ZNF512B: variants seen among roughly 807,000 people sequenced by gnomAD.
The protein encoded by ZNF512B is zinc finger protein 512B.
Under a neutral mutation model 87.8 loss-of-function variants are expected in ZNF512B, and 22 were observed. The ratio of observed to expected loss-of-function variants is 0.25; its 90% CI spans 0.18 to 0.36. ZNF512B has a LOEUF of 0.36. ZNF512B is among the 10% of genes least tolerant of loss of function. The probability of loss-of-function intolerance (pLI) is 1.00; values close to 1 mark genes in which losing one functional copy is unlikely to be tolerated. For missense variants in ZNF512B, 1,060 were observed against 1,231.6 expected (o/e 0.86, Z 2.09); for synonymous variants, 524 against 490.9 (o/e 1.07, Z -0.89).
chr20:63,963,953 G>C (rs766180744), intron 8 of ZNF512B, 40 bp from the exon 9 acceptor site: 2 of 1,603,316 alleles, frequency 1.2e-6, no homozygotes, highest in East Asian at 4.5e-5. Context: ...TGTGGGGGCT[G>C]CTGGGTGGCC....
chr20:63,963,427 T>TCG lies in ZNF512B; in HGVS notation c.1710_1711dup (p.Glu571AlafsTer19). ...CTCCTGCTCGCCCCCTTCGGAGGCC[T>TCG]CGGCGTCAGAGGGCTGGGGACAGGG... On this transcript the variant is annotated frameshift_variant, in exon 11 of 17. Transcript: ENST00000369888. LOFTEE classifies it high-confidence loss of function. 1 of 1,548,482 alleles carries TCG rather than the reference T, an allele frequency of 6.5e-7. No individual in the cohort carries two copies. The highest frequency in any genetic ancestry group is 8.7e-7 in the Non-Finnish European group (1 of 1,151,668).
intron 8 of ZNF512B, 27 bp downstream of exon 8, chr20:63,964,044 C>G (rs780286786): frequency 7.5e-6 from 12 of 1,600,910 alleles, no homozygotes; most frequent in Non-Finnish European, 1.0e-5. Context: ...CTAGAGCTGC[C>G]CTGAGCCCCT....
At position 63,962,288 on chromosome 20, in the gene ZNF512B, G is replaced by A. The variant is rs376023242; in HGVS notation, c.2250C>T (p.Val750=). 1 of 1,611,824 alleles carries A rather than the reference G, an allele frequency of 6.2e-7. No homozygotes were observed. The highest frequency in any genetic ancestry group is 1.3e-5 in the African/African-American group (1 of 74,926). ...WKNEVKEKGH[V]NCPNDCCEAI... is the part of the protein sequence containing the mutation. Reference sequence around the variant, plus strand: ...CTCCGCTCACGTCGTTGGGACAGTTGACGTGGCCTTTCTCCTTCACTTCAT... The same window carrying A: ...CTCCGCTCACGTCGTTGGGACAGTTAACGTGGCCTTTCTCCTTCACTTCAT... Residue 750 remains valine (V), a synonymous_variant, in exon 14 of 17, where the codon GTC becomes GTT. Coordinates refer to ENST00000369888, the MANE Select transcript of ZNF512B (RefSeq NM_020713.3).
In ZNF512B at chr20:63,959,971, C is replaced by T. The variant is rs371876595; in HGVS notation, c.2596G>A (p.Asp866Asn). ...PVAKLPPRRDDWPPGCRDKGA... is the reference protein window; with the variant it reads ...PVAKLPPRRDNWPPGCRDKGA... ...TTGTCTCTGCATCCTGGAGGCCAGT[C>T]GTCCCGGCGCGGGGGCAGCTTGGCC... The change falls in exon 17 of 17, where the codon GAC (aspartate) becomes AAC (asparagine). Residue 866 changes from aspartate to asparagine, a missense_variant. By Grantham distance (23) the Asp-to-Asn change is conservative. Coordinates refer to ENST00000369888, the MANE Select transcript of ZNF512B (RefSeq NM_020713.3). 1.7e-5 allele frequency: 27 copies of T among 1,612,062 alleles called. No homozygotes were observed. The highest frequency in any genetic ancestry group is 6.7e-5 in the East Asian group (3 of 44,900).
intron 1 of ZNF512B, chr20:63,969,166 C>T (rs1297924993): frequency 1.0e-5 from 10 of 985,502 alleles, no homozygotes; most frequent in Non-Finnish European, 1.1e-5. Context: ...CGGCATGAGT[C>T]ATCCCAGCAC....
chr20:63,959,786 G>C lies in ZNF512B; in HGVS notation c.*102C>G. ...CCACTGGACGGATGAAGAGGCGGGG[G>C]TGGGGGATGGAGAACTGGAGGACAG... On this transcript the variant is annotated 3_prime_UTR_variant, in exon 17 of 17. Transcript: ENST00000369888. 7.0e-7 allele frequency: 1 copy of C among 1,436,596 alleles called. No homozygotes were observed. 89.0% of individuals were successfully genotyped at this position (1,436,596 alleles called of 1,614,324 possible). A position where few individuals can be genotyped will look rare whatever the true frequency, so the allele number is the denominator to read the frequency against.
Position 63,962,315 on chromosome 20 carries a change from C to T in ZNF512B, c.2223G>A (p.Lys741=). 1 of 1,612,928 alleles carries T rather than the reference C, an allele frequency of 6.2e-7. No homozygotes were observed. The highest frequency in any genetic ancestry group is 8.5e-7 in the Non-Finnish European group (1 of 1,179,952). The change falls in exon 14 of 17, where the codon AAG becomes AAA. Residue 741 remains lysine, a synonymous_variant. Coordinates refer to ENST00000369888, the MANE Select transcript of ZNF512B (RefSeq NM_020713.3). ...TLNPQLLEAW[K]NEVKEKGHVN... is the part of the protein sequence containing the mutation. ...CGTGGCCTTTCTCCTTCACTTCATT[C>T]TTCCATGCCTCTAGCAGCTGGGGGT...
chr20:63,961,372 C>T lies in ZNF512B; in HGVS notation c.2364G>A (p.Leu788=), dbSNP rs1483465561. 6.2e-7 allele frequency: 1 copy of T among 1,612,706 alleles called. No individual in the cohort carries two copies. Among genetic ancestry groups the T allele is most frequent in the Non-Finnish European group, 8.5e-7 (1 of 1,179,972 alleles). The change falls in exon 16 of 17, where the codon CTG becomes CTA. Residue 788 remains leucine, a synonymous_variant. Transcript: ENST00000369888. The surrounding 1 kb of genome is among the most constrained non-coding windows in gnomAD (Gnocchi z 6.4). ...TCTCAGAACTGAACTCCTTCGGACA[C>T]AGCAGACAGCGGTACTTCCCTGCCA... ...AHLAGKYRCL[L]CPKEFSSESG... is the part of the protein sequence containing the mutation.
Position 63,964,671 on chromosome 20 carries a change from G to A in ZNF512B, c.1080C>T (p.Ala360=). The A allele has an allele frequency of 6.2e-7, 1 of 1,612,090 alleles. No individual in the cohort carries two copies. Residue 360 remains alanine (A), a synonymous_variant, in exon 6 of 17, where the codon GCC becomes GCT. Transcript: ENST00000369888. ...LDTCPIPPKQ[A]RPENGEYGPS... is the part of the protein sequence containing the mutation. ...GGCCGTACTCCCCATTCTCTGGCCTGGCCTGCTTGGGTGGAATTGGGCAGG... is the reference window on the plus strand; with the variant it reads ...GGCCGTACTCCCCATTCTCTGGCCTAGCCTGCTTGGGTGGAATTGGGCAGG...
chr20:63,963,121 G>A lies in ZNF512B; in HGVS notation c.1942C>T (p.His648Tyr). Residue 648 changes from histidine to tyrosine, a missense_variant, in exon 12 of 17, where the codon CAC (histidine) becomes TAC (tyrosine). By Grantham distance (83) the His-to-Tyr change is moderately conservative. Coordinates refer to ENST00000369888, the MANE Select transcript of ZNF512B (RefSeq NM_020713.3). ...TYRSKAGHDY[H>Y]VRSEHTAPPP... ...GGGGCCGTGTGCTCCGAGCGCACGTGGTAGTCGTGGCCAGCCTTGGATCGG... is the reference window on the plus strand; with the variant it reads ...GGGGCCGTGTGCTCCGAGCGCACGTAGTAGTCGTGGCCAGCCTTGGATCGG... 2 of 1,559,360 alleles carry A rather than the reference G, an allele frequency of 1.3e-6. No individual in the cohort carries two copies. Among genetic ancestry groups the A allele is most frequent in the Admixed American group, 1.8e-5 (1 of 54,262 alleles).
chr20:63,966,391 T>A lies in ZNF512B; in HGVS notation c.784A>T (p.Lys262Ter). The A allele has an allele frequency of 6.2e-7, 1 of 1,613,836 alleles. No homozygotes were observed. The highest frequency in any genetic ancestry group is 8.5e-7 in the Non-Finnish European group (1 of 1,179,894). The stretch of plus-strand genomic sequence containing the variant: ...ACGGGTTTGGTGACCGGCACAGACT[T>A]GGTGACTGTGATGGGTTTGGTGACC... ...MPVTKPITVT[K>*]SVPVTKPVPV... The change falls in exon 5 of 17, where the codon AAG becomes TAG. Residue 262 changes from lysine to a stop codon, truncating the protein, a stop_gained. Transcript: ENST00000369888. LOFTEE classifies it high-confidence loss of function.
In ZNF512B at chr20:63,959,557, C is replaced by T. The variant is rs944348294; in HGVS notation, c.*331G>A. ...CCGGCAGGGCCTGAGGAAGCGGAGCCGGGGGGCCAAAGGCCATCTGCCTAC... is the reference window on the plus strand; with the variant it reads ...CCGGCAGGGCCTGAGGAAGCGGAGCTGGGGGGCCAAAGGCCATCTGCCTAC... On this transcript the variant is annotated 3_prime_UTR_variant, in exon 17 of 17. Transcript: ENST00000369888. 2.4e-5 allele frequency: 8 copies of T among 336,752 alleles called. No individual in the cohort carries two copies. The highest frequency in any genetic ancestry group is 6.4e-5 in the African/African-American group (3 of 47,046). 20.9% of individuals were successfully genotyped at this position (336,752 alleles called of 1,614,324 possible). A position where few individuals can be genotyped will look rare whatever the true frequency, so the allele number is the denominator to read the frequency against.
At chr20:63,967,690 A>C in intron 2 of ZNF512B, 140 bp downstream of exon 2, 1 of 1,478,994 alleles carries the variant, frequency 6.8e-7, no homozygotes, top group Non-Finnish European at 9.0e-7. Context: ...GTCCAAGGCA[A>C]CCCCTACCCT....
In ZNF512B at chr20:63,963,032, G is replaced by A; in HGVS notation, c.1968+63C>T. On this transcript the variant is annotated intron_variant, in intron 12 of 16. Coordinates refer to ENST00000369888, the MANE Select transcript of ZNF512B (RefSeq NM_020713.3). ...TGGACAAATACAGTTGGCACCCAAGGCACACGGAACACACACGGCACACAG... is the reference window on the plus strand; with the variant it reads ...TGGACAAATACAGTTGGCACCCAAGACACACGGAACACACACGGCACACAG... 4.8e-6 allele frequency: 7 copies of A among 1,468,308 alleles called. 1 individual carries two copies. In the South Asian group the frequency reaches 9.4e-5, roughly 20 times the overall value. 91.0% of individuals were successfully genotyped at this position (1,468,308 alleles called of 1,614,324 possible).
chr20:63,963,242 G>A lies in ZNF512B; in HGVS notation c.1821C>T (p.Ser607=), dbSNP rs926059262. ...GCTGGTGGTACTGGTAGCCCATGAG[G>A]CTGGAGAAGGCAGCCCCGCAACCCT... ...PQEGCGAAFS[S]LMGYQYHQRR... Residue 607 remains serine (S), a synonymous_variant, in exon 12 of 17, where the codon AGC becomes AGT. Transcript: ENST00000369888. 5.8e-6 allele frequency: 9 copies of A among 1,546,910 alleles called. No homozygotes were observed. In the African/African-American group the frequency reaches 1.2e-4, roughly 21 times the overall value.
At chr20:63,963,048 C>T (rs200501712) in intron 12 of ZNF512B, 47 bp downstream of exon 12, 19 of 1,493,370 alleles carry the variant, frequency 1.3e-5, no homozygotes, top group South Asian at 6.5e-5. Flanking sequence ...GGAACACACA[C>T]GGCACACAGG....
At chr20:63,960,292 G>T (rs1345315760) in intron 16 of ZNF512B, among the ~76,000 whole-genome samples, 153 bp from the exon 17 acceptor site, 2 of 151,666 alleles carry the variant, frequency 1.3e-5, no homozygotes, top group Admixed American at 6.6e-5. Context: ...GCAGGCACCT[G>T]CAGCAGGGGG....
rs1180316012 is a variant in ZNF512B at position 63,964,472 on chromosome 20, CT to C, written c.1261+17del. On this transcript the variant is annotated intron_variant, in intron 6 of 16. Coordinates refer to ENST00000369888, the MANE Select transcript of ZNF512B (RefSeq NM_020713.3). ...GCCGAGCCTGCCCCGGCCGCCACCC[CT>C]GGAGCTCTCATCTTACTGTGCTTTG... 7 of 1,613,290 alleles carry C rather than the reference CT, an allele frequency of 4.3e-6. No homozygotes were observed. The highest frequency in any genetic ancestry group is 5.9e-6 in the Non-Finnish European group (7 of 1,179,832).
chr20:63,964,240 G>A (rs1392713834), intron 7 of ZNF512B, 23 bp from the exon 8 acceptor site: 10 of 1,608,374 alleles, frequency 6.2e-6, no homozygotes, highest in Non-Finnish European at 8.5e-6. Flanking sequence ...ATGGGGTGGA[G>A]AGAAACAGGG....
Sources: gnomAD v4.1 joint callset for allele counts (sites outside exome capture counted in the v4.1 genomes callset) on GRCh38, gnomAD v4.1.1 for gene constraint, Gnocchi (gnomAD v3.1) non-coding constraint, MANE v1.5 for transcripts, NCBI Gene and HGNC (gene_info 2026-07-23, HGNC 2026-07-21) for gene names.